SCMH1: variants seen among roughly 807,000 people sequenced by gnomAD.
SCMH1 encodes the protein Scm polycomb group protein homolog 1.
In SCMH1, 37 loss-of-function variants were observed where a neutral mutation model predicts 70.8. The ratio of observed to expected loss-of-function variants is 0.52; its 90% CI spans 0.40 to 0.69. The LOEUF (loss-of-function observed/expected upper bound fraction) is 0.69, where lower values mean the gene tolerates loss of function less well. SCMH1 is among the 30% of genes least tolerant of loss of function. The pLI, the probability that SCMH1 is intolerant of heterozygous loss-of-function variation, is 0.00. For missense variants in SCMH1, 607 were observed against 827.3 expected (o/e 0.73, Z 3.27); for synonymous variants, 292 against 307.4 (o/e 0.95, Z 0.52).
intron 4 of SCMH1, among the ~76,000 whole-genome samples, chr1:41,157,368 A>G (rs1360153437): frequency 1.3e-5 from 2 of 152,160 alleles, no homozygotes; most frequent in African/African-American, 4.8e-5. Flanking sequence ...TTATTTAGCC[A>G]TTTTTCTGCT....
chr1:41,187,934 C>T (rs868190781), intron 1 of SCMH1, among the ~76,000 whole-genome samples: 4 of 152,048 alleles, frequency 2.6e-5, no homozygotes, highest in Non-Finnish European at 5.9e-5. Context: ...CTGCAGTGAG[C>T]TATGGTCATA....
chr1:41,067,582 T>G (rs993185221), intron 10 of SCMH1, among the ~76,000 whole-genome samples: 9 of 151,806 alleles, frequency 5.9e-5, no homozygotes, highest in Non-Finnish European at 1.5e-5. Context: ...ATTTCAACTA[T>G]GTGACATTCT....
intron 6 of SCMH1, among the ~76,000 whole-genome samples, chr1:41,142,446 G>T (rs978759720): frequency 6.6e-6 from 1 of 152,160 alleles, no homozygotes; most frequent in Non-Finnish European, 1.5e-5. Context: ...AAAACTCCAA[G>T]GACCAGGTGA....
At chr1:41,216,622 G>A (rs1303980227) in intron 1 of SCMH1, among the ~76,000 whole-genome samples, 1 of 152,180 alleles carries the variant, frequency 6.6e-6, no homozygotes, top group East Asian at 1.9e-4. Flanking sequence ...GATCTCTTGA[G>A]ATAAAGCCAA....
chr1:41,062,255 T>C (rs1004859258), intron 10 of SCMH1, among the ~76,000 whole-genome samples: 1 of 152,026 alleles, frequency 6.6e-6, no homozygotes. Context: ...GATTCAACAA[T>C]GCACTTCTAA....
At chr1:41,159,716 C>T in intron 4 of SCMH1, 1 of 1,530,976 alleles carries the variant, frequency 6.5e-7, no homozygotes, top group East Asian at 2.5e-5. Flanking sequence ...AAGTGCCAGG[C>T]ACCTTTACCT....
intron 13 of SCMH1, among the ~76,000 whole-genome samples, chr1:41,036,149 C>T (rs1645265048): frequency 6.6e-6 from 1 of 152,292 alleles, no homozygotes; most frequent in African/African-American, 2.4e-5. Flanking sequence ...CTACATACTT[C>T]TGAGAAGTGA....
Position 41,072,984 on chromosome 1 carries a change from G to A in SCMH1, c.978+2235C>T, listed in dbSNP as rs1355667148. 3.9e-5 allele frequency among the ~76,000 whole-genome samples: 6 copies of A among 152,290 alleles called. No homozygotes were observed. In the East Asian group the frequency reaches 1.2e-3, roughly 29 times the overall value. On this transcript the variant is annotated intron_variant, in intron 9 of 14. Transcript: ENST00000337495. ...GAGAATTAAGAGTATCAAATGCTAG[G>A]ACATAAAACACAGGAAAAGATGAGA...
chr1:41,184,062 CT>C (rs1349229351), intron 2 of SCMH1, among the ~76,000 whole-genome samples: 1 of 152,068 alleles, frequency 6.6e-6, no homozygotes, highest in Non-Finnish European at 1.5e-5. Flanking sequence ...TGTCACTGAA[CT>C]GTACACTAAA....
At chr1:41,137,362 T>G (rs1643514067) in intron 6 of SCMH1, among the ~76,000 whole-genome samples, 1 of 152,210 alleles carries the variant, frequency 6.6e-6, no homozygotes, top group African/African-American at 2.4e-5. Context: ...ATATCTCCCC[T>G]GTTCAACTAA....
chr1:41,171,552 G>A (rs1646783594), intron 2 of SCMH1, among the ~76,000 whole-genome samples: 1 of 151,666 alleles, frequency 6.6e-6, no homozygotes, highest in Non-Finnish European at 1.5e-5. Context: ...TGCAGTTACA[G>A]TGCCAGCTAG....
At chr1:41,186,946 C>A (rs893043875) in intron 1 of SCMH1, among the ~76,000 whole-genome samples, 5 of 152,102 alleles carry the variant, frequency 3.3e-5, no homozygotes, top group Non-Finnish European at 5.9e-5. Flanking sequence ...TTATGGCACC[C>A]CAAGCACATG....
At chr1:41,204,473 C>T (rs1655053773) in intron 1 of SCMH1, among the ~76,000 whole-genome samples, 1 of 152,166 alleles carries the variant, frequency 6.6e-6, no homozygotes, top group South Asian at 2.1e-4. Context: ...CCCTACTTAC[C>T]TCTTCTACTT....
rs1267353211 is a variant in SCMH1, at chr1:41,043,915, TTATA to T, written c.1498+2488_1498+2491del. The T allele has an allele frequency of 5.3e-5, 8 of 152,178 alleles. No homozygotes were observed. The East Asian group carries it at 1.5e-3, about 29-fold the overall frequency. 9.4% of individuals were successfully genotyped at this position (152,178 alleles called of 1,614,324 possible). A position where few individuals can be genotyped will look rare whatever the true frequency, so the allele number is the denominator to read the frequency against. ...ACAGGTATTCAACAAGTATGTATATTTATATGTGTATATATAGTTAGGAGAAACA... is the reference window on the plus strand; with the variant it reads ...ACAGGTATTCAACAAGTATGTATATTTGTGTATATATAGTTAGGAGAAACA... On this transcript the variant is annotated intron_variant, in intron 12 of 14. Coordinates refer to ENST00000337495, the Ensembl canonical transcript of SCMH1.
chr1:41,038,430 C>A (rs1351612709), intron 12 of SCMH1, among the ~76,000 whole-genome samples: 1 of 152,186 alleles, frequency 6.6e-6, no homozygotes, highest in Admixed American at 6.5e-5. Context: ...TGGAGCATAA[C>A]ACTGTCCTTT....
At chr1:41,181,874 A>G (rs11209629) in intron 2 of SCMH1, among the ~76,000 whole-genome samples, 54,158 of 152,088 alleles carry the variant, frequency 0.36, 11,003 homozygotes, top group Admixed American at 0.51. Context: ...ATTATAAATC[A>G]TGCTGCTATA....
intron 10 of SCMH1, among the ~76,000 whole-genome samples, chr1:41,065,034 T>C (rs1457466494): frequency 6.6e-6 from 1 of 152,202 alleles, no homozygotes; most frequent in Non-Finnish European, 1.5e-5. Context: ...CTAGAAAAGT[T>C]TTTTGAAAGA....
chr1:41,107,841 T>C (rs950716805), intron 8 of SCMH1, among the ~76,000 whole-genome samples: 1 of 152,232 alleles, frequency 6.6e-6, no homozygotes, highest in African/African-American at 2.4e-5. Flanking sequence ...TAATTAACTC[T>C]TTCTGCCCTA....
chr1:41,041,830 A>T (rs1646213800), intron 12 of SCMH1, among the ~76,000 whole-genome samples: 1 of 152,202 alleles, frequency 6.6e-6, no homozygotes, highest in Non-Finnish European at 1.5e-5. Context: ...ACTTCCTCTA[A>T]CAGAGAGGAA....
Sources: allele counts gnomAD v4.1 joint callset (sites outside exome capture counted in the v4.1 genomes callset), GRCh38; gene constraint gnomAD v4.1.1; transcripts MANE v1.5; gene names NCBI Gene and HGNC (gene_info 2026-07-23, HGNC 2026-07-21).